DPP10: variants seen among roughly 807,000 people sequenced by gnomAD.
DPP10 encodes the protein dipeptidyl peptidase like 10.
A neutral mutation model predicts 120.9 loss-of-function variants in DPP10; 33 were observed. The ratio of observed to expected loss-of-function variants is 0.27; its 90% CI spans 0.21 to 0.37. The LOEUF is 0.37. Among genes scored for constraint, DPP10 ranks in the 10% least tolerant of loss-of-function variants. The pLI is 1.00. For missense variants in DPP10, 816 were observed against 942.8 expected (o/e 0.87, Z 1.76); for synonymous variants, 337 against 326.1 (o/e 1.03, Z -0.36).
intron 1 of DPP10, among the ~76,000 whole-genome samples, chr2:114,992,198 C>A (rs1700789059): frequency 2.0e-5 from 3 of 152,176 alleles, no homozygotes; most frequent in Admixed American, 1.3e-4. Context: ...AAGGAAAGAT[C>A]TTCTGGGTCC....
At chr2:115,060,070 A>T (rs1433199113) in intron 1 of DPP10, among the ~76,000 whole-genome samples, 1 of 152,074 alleles carries the variant, frequency 6.6e-6, no homozygotes, top group African/African-American at 2.4e-5. Flanking sequence ...TCACTATTGT[A>T]AGCTACACGA....
At chr2:114,526,936 G>A (rs1244075476) in intron 1 of DPP10, among the ~76,000 whole-genome samples, 3 of 152,138 alleles carry the variant, frequency 2.0e-5, no homozygotes, top group Admixed American at 2.0e-4. Context: ...TTACACCTAT[G>A]CAATTATCAT....
chr2:114,571,628 G>A (rs1029480482), intron 1 of DPP10, among the ~76,000 whole-genome samples: 1 of 151,966 alleles, frequency 6.6e-6, no homozygotes, highest in South Asian at 2.1e-4. Context: ...GGTAGGGTAC[G>A]TCTCTACAGA....
At chr2:114,576,873 GT>G (rs34544318) in intron 1 of DPP10, among the ~76,000 whole-genome samples, 1,695 of 148,874 alleles carry the variant, frequency 0.011, 34 homozygotes, top group African/African-American at 0.039. Flanking sequence ...TGGGAAGAGT[GT>G]TTTTTTTTTG....
chr2:115,809,010 G>C (rs1686335903), intron 19 of DPP10, among the ~76,000 whole-genome samples: 1 of 152,056 alleles, frequency 6.6e-6, no homozygotes, highest in Admixed American at 6.6e-5. Context: ...AATAAACTAG[G>C]GTGAGGAATT....
At chr2:114,653,523 G>T (rs1474597570) in intron 1 of DPP10, among the ~76,000 whole-genome samples, 1 of 152,158 alleles carries the variant, frequency 6.6e-6, no homozygotes, top group African/African-American at 2.4e-5. Flanking sequence ...TCAGCTTGGG[G>T]TCGGGAGGTG....
intron 19 of DPP10, among the ~76,000 whole-genome samples, chr2:115,796,529 G>T (rs1198901957): frequency 6.6e-6 from 1 of 152,116 alleles, no homozygotes; most frequent in Admixed American, 6.6e-5. Flanking sequence ...TAAATGATTT[G>T]TGAGTTTATA....
intron 1 of DPP10, among the ~76,000 whole-genome samples, chr2:114,700,610 A>T (rs1296660326): frequency 1.3e-5 from 2 of 152,046 alleles, no homozygotes; most frequent in African/African-American, 2.4e-5. Context: ...ATCCTACACC[A>T]TGTCATGCCT....
chr2:115,303,233 A>G (rs1001846399), intron 1 of DPP10, among the ~76,000 whole-genome samples: 2 of 151,936 alleles, frequency 1.3e-5, no homozygotes, highest in East Asian at 1.9e-4. Flanking sequence ...TCTGCCTTCA[A>G]TATGTTATAA....
intron 13 of DPP10, among the ~76,000 whole-genome samples, chr2:115,769,587 G>A (rs1681205681): frequency 6.6e-6 from 1 of 151,896 alleles, no homozygotes; most frequent in Admixed American, 6.6e-5. Context: ...ATATTATTAA[G>A]GTGGAAAAAC....
Position 115,815,119 on chromosome 2 carries a change from G to C in DPP10, c.1895+132G>C, listed in dbSNP as rs758327434. 117 of 896,926 alleles carry C rather than the reference G, an allele frequency of 1.3e-4. 1 individual carries two copies. The highest frequency in any genetic ancestry group is 1.6e-4 in the Non-Finnish European group (104 of 644,244). 55.6% of individuals were successfully genotyped at this position (896,926 alleles called of 1,614,324 possible). On this transcript the variant is annotated intron_variant, in intron 20 of 25. Coordinates refer to ENST00000410059, the MANE Select transcript of DPP10 (RefSeq NM_020868.6). The stretch of plus-strand genomic sequence containing the variant: ...AGCAATTTTGTAAGTTAATCATAAA[G>C]CCTATTTCATTTTTTTTTTGAAGTA...
chr2:115,625,374 TC>T (rs1412840738), intron 5 of DPP10, among the ~76,000 whole-genome samples: 1 of 152,112 alleles, frequency 6.6e-6, no homozygotes, highest in Non-Finnish European at 1.5e-5. Flanking sequence ...ACAAAAACAG[TC>T]CCATGTAACT....
rs140839757 is a variant in DPP10, at chr2:114,473,064, G to A, written c.60+30226G>A. Reference sequence around the variant, plus strand: ...CAGCAATCTGGGCCAAATCTGGGTGGTGTGTGCCCCACTATTTGCCAAGCT... The same window carrying A: ...CAGCAATCTGGGCCAAATCTGGGTGATGTGTGCCCCACTATTTGCCAAGCT... On this transcript the variant is annotated intron_variant, in intron 1 of 25. Coordinates refer to ENST00000410059, the MANE Select transcript of DPP10 (RefSeq NM_020868.6). Among the ~76,000 whole-genome samples, 704 of 152,238 alleles carry A rather than the reference G, an allele frequency of 4.6e-3. 4 individuals are homozygous for A. The highest frequency in any genetic ancestry group is 0.016 in the African/African-American group (665 of 41,520).
intron 1 of DPP10, among the ~76,000 whole-genome samples, chr2:115,273,648 C>T (rs1404645148): frequency 1.3e-5 from 2 of 152,140 alleles, no homozygotes; most frequent in Non-Finnish European, 2.9e-5. Flanking sequence ...AGGCCGCTTG[C>T]TTTTAAAGAG....
chr2:115,734,722 A>AT lies in DPP10; in HGVS notation c.698-5016dup, dbSNP rs377662672. Among the ~76,000 whole-genome samples, 747 of 151,278 alleles carry AT rather than the reference A, an allele frequency of 4.9e-3. 10 individuals carry two copies. The highest frequency in any genetic ancestry group is 0.017 in the African/African-American group (713 of 41,156). ...CACTCAATTGGCCCTTAGCATGCAT[A>AT]TATATACACACACACGTATATGTAT... On this transcript the variant is annotated intron_variant, in intron 8 of 25. Coordinates refer to ENST00000410059, the MANE Select transcript of DPP10 (RefSeq NM_020868.6).
chr2:115,657,702 A>G (rs1202101261), intron 5 of DPP10, among the ~76,000 whole-genome samples: 1 of 151,946 alleles, frequency 6.6e-6, no homozygotes, highest in Non-Finnish European at 1.5e-5. Context: ...AAATGCGTGG[A>G]AGATGCATCA....
chr2:115,410,097 C>T (rs1457914593), intron 3 of DPP10, among the ~76,000 whole-genome samples: 1 of 152,144 alleles, frequency 6.6e-6, no homozygotes, highest in Admixed American at 6.6e-5. Context: ...CTAGCCAGAT[C>T]TCCCAGCCCC....
intron 21 of DPP10, among the ~76,000 whole-genome samples, chr2:115,824,815 T>C (rs115269074): frequency 0.013 from 1,957 of 152,286 alleles, 19 homozygotes; most frequent in South Asian, 0.028. Flanking sequence ...AATGATGGTA[T>C]TTCTAAGAAT....
chr2:115,305,730 CCTCT>C (rs1295857068), intron 1 of DPP10, among the ~76,000 whole-genome samples: 1 of 151,500 alleles, frequency 6.6e-6, no homozygotes, highest in Non-Finnish European at 1.5e-5. Context: ...AGAGCAAGAC[CCTCT>C]CTCTAACAAC....
Sources: allele counts gnomAD v4.1 joint callset (sites outside exome capture counted in the v4.1 genomes callset), GRCh38; gene constraint gnomAD v4.1.1; transcripts MANE v1.5; gene names NCBI Gene and HGNC (gene_info 2026-07-23, HGNC 2026-07-21).